RABGAP1: variants seen among roughly 807,000 people sequenced by gnomAD.
RABGAP1 encodes the protein rab GTPase-activating protein 1.
A neutral mutation model predicts 137.6 loss-of-function variants in RABGAP1; 23 were observed. That is an observed-to-expected ratio of 0.17 (90% confidence interval 0.12 to 0.24). The LOEUF (loss-of-function observed/expected upper bound fraction) is 0.24, where lower values mean the gene tolerates loss of function less well. Ranked by LOEUF, RABGAP1 falls within the 10% of genes least tolerant of loss-of-function variation. The pLI is 1.00. For missense variants in RABGAP1, 906 were observed against 1,275.8 expected (o/e 0.71, Z 4.42); for synonymous variants, 451 against 450.7 (o/e 1.00, Z -0.01).
chr9:123,046,221 G>T lies in RABGAP1; in HGVS notation c.1795-19127G>T, dbSNP rs530516599. ...AATACTTGGATGTACTTCATCAAGG[G>T]AATAATAAGTCATTGGGGTTTACGG... On this transcript the variant is annotated intron_variant, in intron 13 of 25. Transcript: ENST00000373647. Among the ~76,000 whole-genome samples, 160 of 152,324 alleles carry T rather than the reference G, an allele frequency of 1.1e-3. 7 individuals are homozygous for T. In the South Asian group the frequency reaches 0.032, roughly 31 times the overall value.
chr9:123,049,600 T>C (rs956204205), intron 13 of RABGAP1, among the ~76,000 whole-genome samples: 5 of 152,244 alleles, frequency 3.3e-5, no homozygotes, highest in Non-Finnish European at 7.3e-5. Context: ...TATCAGTTTT[T>C]CTGCCACCTG....
chr9:123,100,211 C>T (rs2035300114), intron 24 of RABGAP1, among the ~76,000 whole-genome samples: 2 of 152,134 alleles, frequency 1.3e-5, no homozygotes, highest in Non-Finnish European at 2.9e-5. Flanking sequence ...TATTACAGAA[C>T]TTGTCAGATT....
intron 10 of RABGAP1, among the ~76,000 whole-genome samples, chr9:123,007,831 C>T (rs2030435091): frequency 6.7e-6 from 1 of 149,600 alleles, no homozygotes; most frequent in African/African-American, 2.4e-5. Context: ...TCTCATCTGA[C>T]TGCTTTTAAT....
intron 12 of RABGAP1, among the ~76,000 whole-genome samples, chr9:123,019,950 C>T (rs1449536729): frequency 6.6e-6 from 1 of 152,084 alleles, no homozygotes; most frequent in Non-Finnish European, 1.5e-5. Context: ...TCCCAAAGTG[C>T]TGGGATTACA....
chr9:122,961,420 C>T (rs1313132060), intron 2 of RABGAP1, among the ~76,000 whole-genome samples: 1 of 152,156 alleles, frequency 6.6e-6, no homozygotes, highest in African/African-American at 2.4e-5. Flanking sequence ...ATTCTATGTC[C>T]AGCAAAGCTA....
At chr9:122,980,984 C>G (rs1248579917) in intron 2 of RABGAP1, among the ~76,000 whole-genome samples, 1 of 152,134 alleles carries the variant, frequency 6.6e-6, no homozygotes, top group Non-Finnish European at 1.5e-5. Flanking sequence ...GGCAGTGTTT[C>G]TCAGTCCTGG....
At chr9:123,091,147 T>A (rs1384529277) in intron 21 of RABGAP1, among the ~76,000 whole-genome samples, 1 of 152,244 alleles carries the variant, frequency 6.6e-6, no homozygotes, top group Admixed American at 6.5e-5. Flanking sequence ...AGTGACAGGC[T>A]GGATTTGGCC....
At chr9:122,976,473 A>G (rs944497973) in intron 2 of RABGAP1, among the ~76,000 whole-genome samples, 2 of 152,198 alleles carry the variant, frequency 1.3e-5, no homozygotes, top group African/African-American at 4.8e-5. Context: ...TGCTCAGAAT[A>G]ATGAAAACAG....
intron 13 of RABGAP1, among the ~76,000 whole-genome samples, chr9:123,056,488 T>C (rs989794966): frequency 7.3e-5 from 11 of 151,364 alleles, no homozygotes; most frequent in African/African-American, 1.9e-4. Context: ...TTTCTTTTTT[T>C]TTTTTTTTTT....
intron 2 of RABGAP1, among the ~76,000 whole-genome samples, chr9:122,972,992 A>T (rs1010264148): frequency 1.0e-4 from 15 of 149,472 alleles, no homozygotes; most frequent in African/African-American, 3.5e-4. Context: ...AAAAAAAAAT[A>T]CATAGAGGTA....
At chr9:122,982,347 A>G (rs1836114345) in intron 2 of RABGAP1, among the ~76,000 whole-genome samples, 1 of 152,234 alleles carries the variant, frequency 6.6e-6, no homozygotes. Flanking sequence ...GCAAAGGTAT[A>G]AACATGTTTT....
rs1031158516 is a variant in RABGAP1 at position 122,996,159 on chromosome 9, T to G, written c.1034+8T>G. 6.2e-7 allele frequency: 1 copy of G among 1,603,992 alleles called. No homozygotes were observed. Among genetic ancestry groups the G allele is most frequent in the African/African-American group, 1.3e-5 (1 of 74,144 alleles). ...AGAACTTGCCATTGAAAGGTAAGCA[T>G]TTTTAGTAAGTTTAGCTTAAATATA... On this transcript the variant is annotated splice_region_variant and intron_variant, in intron 7 of 25. Coordinates refer to ENST00000373647, the MANE Select transcript of RABGAP1 (RefSeq NM_012197.4).
chr9:123,064,065 G>A (rs1005412285), intron 13 of RABGAP1, among the ~76,000 whole-genome samples: 2 of 151,854 alleles, frequency 1.3e-5, no homozygotes, highest in Admixed American at 6.6e-5. Flanking sequence ...CGCTCACTTC[G>A]CTCGCTCTCT....
At chr9:122,934,737 A>G in the RABGAP1 span, among the ~76,000 whole-genome samples, 1 of 152,070 alleles carries the variant, frequency 6.6e-6, no homozygotes, top group African/African-American at 2.4e-5. Flanking sequence ...GCTGGAGTGC[A>G]GTGGCGCAGT....
chr9:123,029,375 G>T, intron 13 of RABGAP1: 2 of 1,121,162 alleles, frequency 1.8e-6, no homozygotes, highest in Non-Finnish European at 1.4e-6. Flanking sequence ...GCTTGGACCT[G>T]TTCATGCATC....
At chr9:122,963,690 TA>T (rs1834974734) in intron 2 of RABGAP1, among the ~76,000 whole-genome samples, 1 of 152,150 alleles carries the variant, frequency 6.6e-6, no homozygotes, top group Non-Finnish European at 1.5e-5. Flanking sequence ...CTTAATATCC[TA>T]ACGTTCCACC....
intron 13 of RABGAP1, among the ~76,000 whole-genome samples, chr9:123,048,634 A>G (rs375096374): frequency 1.1e-4 from 17 of 152,378 alleles, no homozygotes; most frequent in African/African-American, 3.8e-4. Context: ...AGTTCATCAC[A>G]GTTATCAGAA....
chr9:123,045,632 G>A (rs1588327013), intron 13 of RABGAP1, among the ~76,000 whole-genome samples: 1 of 152,280 alleles, frequency 6.6e-6, no homozygotes, highest in East Asian at 1.9e-4. Flanking sequence ...GAATGAAGAT[G>A]ACAGCAGTAT....
chr9:123,021,440 C>T (rs913076016), intron 13 of RABGAP1, among the ~76,000 whole-genome samples: 2 of 151,116 alleles, frequency 1.3e-5, no homozygotes, highest in South Asian at 2.1e-4. Context: ...TGTTGTGCCT[C>T]CATCTCCCAA....
Sources: allele counts gnomAD v4.1 joint callset (sites outside exome capture counted in the v4.1 genomes callset), GRCh38; gene constraint gnomAD v4.1.1; transcripts MANE v1.5; gene names NCBI Gene and HGNC (gene_info 2026-07-23, HGNC 2026-07-21).